PREX2: variants seen among roughly 807,000 people sequenced by gnomAD.
The protein encoded by PREX2 is phosphatidylinositol 3,4,5-trisphosphate-dependent Rac exchanger 2 protein.
PREX2 carries 107 observed loss-of-function variants against 203.2 expected under a neutral mutation model. That is an observed-to-expected ratio of 0.53 (90% CI 0.45 to 0.62). The LOEUF (loss-of-function observed/expected upper bound fraction) is 0.62. Among genes scored for constraint, PREX2 ranks in the 20% least tolerant of loss-of-function variants. The pLI is 0.00. For synonymous variants in PREX2, 672 were observed against 663.6 expected, an observed-to-expected ratio of 1.01 and a Z score of -0.19; for missense variants, 1,777 against 1,955.9, an observed-to-expected ratio of 0.91 and a Z score of 1.72.
intron 34 of PREX2, among the ~76,000 whole-genome samples, chr8:68,154,246 A>G (rs1158792956): frequency 2.6e-5 from 4 of 152,252 alleles, no homozygotes; most frequent in Admixed American, 2.6e-4. Flanking sequence ...GAATTAAATT[A>G]GGTAATACCT....
intron 37 of PREX2, among the ~76,000 whole-genome samples, chr8:68,213,166 C>G (rs1319080566): frequency 2.0e-5 from 3 of 152,204 alleles, no homozygotes; most frequent in Non-Finnish European, 4.4e-5. Flanking sequence ...CCCAGCAAAC[C>G]TAGCCTGACT....
intron 37 of PREX2, among the ~76,000 whole-genome samples, chr8:68,202,817 G>C (rs1163555035): frequency 6.6e-6 from 1 of 152,158 alleles, no homozygotes; most frequent in Admixed American, 6.5e-5. Flanking sequence ...GTCCCAGGTA[G>C]GGTGTCTGCA....
chr8:68,144,613 T>C (rs1563564198), intron 33 of PREX2, among the ~76,000 whole-genome samples: 1 of 152,056 alleles, frequency 6.6e-6, no homozygotes, highest in East Asian at 1.9e-4. Flanking sequence ...TCCCAATCAT[T>C]ATAGTTTCTT....
At chr8:68,094,204 C>T (rs1809984065) in intron 21 of PREX2, among the ~76,000 whole-genome samples, 2 of 152,182 alleles carry the variant, frequency 1.3e-5, no homozygotes, top group Non-Finnish European at 2.9e-5. Context: ...CAGCTGTACC[C>T]CAGATCTACT....
chr8:68,090,430 T>G (rs1418703666), intron 19 of PREX2, 149 bp from the exon 20 acceptor site: 1 of 556,686 alleles, frequency 1.8e-6, no homozygotes, highest in Non-Finnish European at 3.1e-6. Flanking sequence ...AAGTGTTGAG[T>G]GGGCATTGCT....
At chr8:68,118,083 T>C (rs563653837) in intron 26 of PREX2, among the ~76,000 whole-genome samples, 3 of 152,218 alleles carry the variant, frequency 2.0e-5, no homozygotes, top group South Asian at 2.1e-4. Context: ...TGGCCGGGCG[T>C]GGTGGCTCAC....
intron 32 of PREX2, among the ~76,000 whole-genome samples, chr8:68,136,711 G>C (rs1026645397): frequency 6.6e-6 from 1 of 152,036 alleles, no homozygotes; most frequent in African/African-American, 2.4e-5. Context: ...AGTACTTACT[G>C]TGTACTGTGC....
At chr8:68,047,529 A>G (rs1808403714) in intron 8 of PREX2, among the ~76,000 whole-genome samples, 1 of 141,758 alleles carries the variant, frequency 7.1e-6, no homozygotes, top group African/African-American at 2.7e-5. Context: ...ATATATATGT[A>G]TTTTTTTAAG....
chr8:68,090,670 C>T lies in PREX2; in HGVS notation c.2205C>T (p.Val735=). Residue 735 remains valine, a synonymous_variant, in exon 20 of 40, where the codon GTC becomes GTT. Transcript: ENST00000288368. The part of the protein sequence containing the change: ...INVSKETHAS[V]IAHVTACRKY... ...TCAGCAAAGAGACACATGCCAGTGTCATTGCACACGTTACAGCCTGCAGGA... is the reference window on the plus strand; with the variant it reads ...TCAGCAAAGAGACACATGCCAGTGTTATTGCACACGTTACAGCCTGCAGGA... The T allele has an allele frequency of 1.9e-6, 3 of 1,613,982 alleles. No homozygotes were observed. The highest frequency in any genetic ancestry group is 2.5e-6 in the Non-Finnish European group (3 of 1,179,914).
intron 35 of PREX2, among the ~76,000 whole-genome samples, chr8:68,188,286 G>A (rs1053192408): frequency 2.6e-5 from 4 of 152,134 alleles, no homozygotes; most frequent in African/African-American, 9.7e-5. Context: ...ATGAGAGAGA[G>A]AGAGGATGGA....
At chr8:68,197,806 T>C (rs568459854) in intron 37 of PREX2, among the ~76,000 whole-genome samples, 2 of 148,976 alleles carry the variant, frequency 1.3e-5, no homozygotes, top group South Asian at 2.1e-4. Flanking sequence ...ATATGCTATA[T>C]ATATGCTACA....
At chr8:68,111,226 T>A (rs1176739216) in intron 25 of PREX2, 1 of 175,072 alleles carries the variant, frequency 5.7e-6, no homozygotes, top group Non-Finnish European at 1.2e-5. Context: ...TCTGGACCAA[T>A]CCCATACTTC....
chr8:68,127,281 T>C, intron 30 of PREX2, 97 bp from the exon 31 acceptor site: 2 of 924,194 alleles, frequency 2.2e-6, no homozygotes, highest in Non-Finnish European at 3.3e-6. Flanking sequence ...ATGAACCTAG[T>C]CCAATAAGAT....
chr8:68,145,265 A>G (rs1019986135), intron 33 of PREX2, among the ~76,000 whole-genome samples: 2 of 152,210 alleles, frequency 1.3e-5, no homozygotes, highest in Non-Finnish European at 2.9e-5. Flanking sequence ...AGTACTTTAT[A>G]TGGCATAAAG....
chr8:68,194,003 T>C (rs1216709062), intron 37 of PREX2, among the ~76,000 whole-genome samples: 1 of 152,238 alleles, frequency 6.6e-6, no homozygotes, highest in East Asian at 1.9e-4. Context: ...TTTTCATTGC[T>C]GTGTACTTTG....
chr8:68,158,097 GTGTATATATATGTGTGTATATATA>G (rs1811578324), intron 35 of PREX2, among the ~76,000 whole-genome samples: 1 of 69,798 alleles, frequency 1.4e-5, no homozygotes, highest in Non-Finnish European at 2.6e-5. Context: ...ACATATATAT[GTGTATATATATGTGTGTATATATA>G]TGTATATATA....
rs199599903 is a variant in PREX2 at position 67,976,466 on chromosome 8, C to G, written c.141+23931C>G. Among the ~76,000 whole-genome samples, 554 of 70,576 alleles carry G rather than the reference C, an allele frequency of 7.8e-3. 8 individuals carry two copies. The highest frequency in any genetic ancestry group is 0.024 in the African/African-American group (458 of 18,758). The allele number at this position is 70,576 out of a possible 152,430, so 46.3% of individuals were successfully genotyped here. On this transcript the variant is annotated intron_variant, in intron 1 of 39. Transcript: ENST00000288368. The stretch of plus-strand genomic sequence containing the variant: ...AGAGAGACAGAGAGAGAGAGAGAGA[C>G]AGAGACAGAGAGAGAGAGAGGGGAG...
intron 37 of PREX2, among the ~76,000 whole-genome samples, chr8:68,197,735 AATATATATGCTAT>A (rs1287875979): frequency 4.7e-5 from 7 of 148,262 alleles, no homozygotes; most frequent in African/African-American, 1.2e-4. Context: ...ATATATACAT[AATATATATGCTAT>A]ATATATATGC....
chr8:68,146,427 T>G, intron 34 of PREX2, 75 bp downstream of exon 34: 2 of 1,267,630 alleles, frequency 1.6e-6, no homozygotes, highest in Non-Finnish European at 2.2e-6. Flanking sequence ...AAATGTGATT[T>G]TAACAGTTGG....
Sources: gnomAD v4.1 joint callset for allele counts (sites outside exome capture counted in the v4.1 genomes callset) on GRCh38, gnomAD v4.1.1 for gene constraint, MANE v1.5 for transcripts, NCBI Gene and HGNC (gene_info 2026-07-23, HGNC 2026-07-21) for gene names.